POLDIP3: variants seen among roughly 807,000 people sequenced by gnomAD.
POLDIP3 encodes DNA polymerase delta interacting protein 3, also known as polymerase delta-interacting protein 3.
POLDIP3 carries 14 observed loss-of-function variants against 45.1 expected under a neutral mutation model. The ratio of observed to expected loss-of-function variants is 0.31; its 90% CI spans 0.20 to 0.49. The LOEUF (loss-of-function observed/expected upper bound fraction) is 0.49, where lower values mean the gene tolerates loss of function less well. POLDIP3 is among the 20% of genes least tolerant of loss of function. The pLI is 0.99. For missense variants in POLDIP3, 511 were observed against 538.8 expected, an observed-to-expected ratio of 0.95 and a Z score of 0.51; for synonymous variants, 223 against 205.2, an observed-to-expected ratio of 1.09 and a Z score of -0.74.
In POLDIP3 at chr22:42,583,906, A is replaced by C. The variant is rs868259387; in HGVS notation, c.*1885T>G. On this transcript the variant is annotated 3_prime_UTR_variant, in exon 9 of 9. Coordinates refer to ENST00000252115, the MANE Select transcript of POLDIP3 (RefSeq NM_032311.5). ...CCGGTCTCCCAAGATGACTGCTTAT[A>C]GAGTGGAGGAGGCAAACAGGTCCCC... 6.6e-6 allele frequency: 1 copy of C among 152,414 alleles called. No individual in the cohort carries two copies. Among genetic ancestry groups the C allele is most frequent in the Non-Finnish European group, 1.5e-5 (1 of 68,058 alleles). The allele number at this position is 152,414 out of a possible 1,614,324, so 9.4% of individuals were successfully genotyped here. A position where few individuals can be genotyped will look rare whatever the true frequency, so the allele number is the denominator to read the frequency against.
In POLDIP3 at chr22:42,585,132, T is replaced by C. The variant is rs137085; in HGVS notation, c.*659A>G. ...TGAACTCTGGAGAACTTCCTCTGGG[T>C]GGAGACGACACGGGACTCCAAGCCA... On this transcript the variant is annotated 3_prime_UTR_variant, in exon 9 of 9. Transcript: ENST00000252115. 171,280 of 439,542 alleles carry C rather than the reference T, an allele frequency of 0.39. 37,106 individuals are homozygous for C. Among genetic ancestry groups the C allele is most frequent in the East Asian group, 0.78 (11,173 of 14,416 alleles). The allele number at this position is 439,542 out of a possible 1,614,324, so 27.2% of individuals were successfully genotyped here. A position where few individuals can be genotyped will look rare whatever the true frequency, so the allele number is the denominator to read the frequency against.
chr22:42,601,314 A>C (rs1301897553), intron 3 of POLDIP3, among the ~76,000 whole-genome samples: 2 of 150,774 alleles, frequency 1.3e-5, no homozygotes, highest in African/African-American at 2.4e-5. Context: ...GGAGTTCGAG[A>C]CCTGCCTGGG....
At chr22:42,609,255 G>T (rs1408427197) in intron 1 of POLDIP3, among the ~76,000 whole-genome samples, 5 of 152,192 alleles carry the variant, frequency 3.3e-5, no homozygotes, top group Non-Finnish European at 5.9e-5. Context: ...GTAAATGTTT[G>T]GGAGGGCGAA....
At chr22:42,605,883 T>C (rs1191204310) in intron 1 of POLDIP3, among the ~76,000 whole-genome samples, 2 of 152,214 alleles carry the variant, frequency 1.3e-5, no homozygotes, top group Non-Finnish European at 2.9e-5. Context: ...GACTCACACC[T>C]GTAATCCCAG....
At chr22:42,591,085 AAAAAAATAAT>A (rs1463443718) in intron 7 of POLDIP3, among the ~76,000 whole-genome samples, 16 of 150,920 alleles carry the variant, frequency 1.1e-4, no homozygotes, top group Non-Finnish European at 1.9e-4. Context: ...ATAAAAAAAT[AAAAAAATAAT>A]AAAAAATAAA....
intron 1 of POLDIP3, among the ~76,000 whole-genome samples, chr22:42,612,402 C>G (rs1927179711): frequency 6.6e-6 from 1 of 152,224 alleles, no homozygotes; most frequent in African/African-American, 2.4e-5. Context: ...GGATTGGAAG[C>G]TTGGTGGTCT....
intron 7 of POLDIP3, among the ~76,000 whole-genome samples, chr22:42,591,006 G>A (rs562263911): frequency 2.8e-4 from 42 of 151,772 alleles, no homozygotes; most frequent in Non-Finnish European, 4.1e-4. Flanking sequence ...CCGGGGAGGC[G>A]GAGGTTGCAG....
intron 3 of POLDIP3, among the ~76,000 whole-genome samples, chr22:42,601,707 G>A (rs1926388034): frequency 1.3e-5 from 2 of 152,344 alleles, no homozygotes; most frequent in South Asian, 4.1e-4. Context: ...GTTGCAGTGA[G>A]CCGAGATTAC....
chr22:42,601,972 G>T lies in POLDIP3; in HGVS notation c.535C>A (p.Gln179Lys). The change falls in exon 3 of 9, where the codon CAG becomes AAG. Residue 179 changes from glutamine to lysine, a missense_variant and splice_region_variant. Coordinates refer to ENST00000252115, the MANE Select transcript of POLDIP3 (RefSeq NM_032311.5). ...TCTCTCTCACTCACTCACTCTACCT[G>T]TTTGGCCTGGTGGTTATTGACAACA... is the stretch of plus-strand genomic sequence containing the variant. ...INVVNNHQAK[Q>K]NLYDLDEDDD... The T allele has an allele frequency of 6.2e-7, 1 of 1,613,680 alleles. No individual in the cohort carries two copies. The highest frequency in any genetic ancestry group is 8.5e-7 in the Non-Finnish European group (1 of 1,179,882).
At chr22:42,586,207 C>A (rs757274266) in intron 8 of POLDIP3, among the ~76,000 whole-genome samples, 1 of 152,072 alleles carries the variant, frequency 6.6e-6, no homozygotes. Flanking sequence ...AGGCGTGTAC[C>A]ACCATGCCTG....
chr22:42,593,345 C>T (rs1925785084), intron 6 of POLDIP3, among the ~76,000 whole-genome samples: 1 of 152,062 alleles, frequency 6.6e-6, no homozygotes, highest in Non-Finnish European at 1.5e-5. Flanking sequence ...TTAACATTGC[C>T]TATTTGGGTA....
intron 4 of POLDIP3, chr22:42,597,836 A>C: frequency 2.3e-6 from 1 of 435,332 alleles, no homozygotes; most frequent in Middle Eastern, 3.6e-4. Flanking sequence ...GCTGGAGTGC[A>C]GTGGCGCAAT....
chr22:42,604,936 CA>C (rs1246282328), intron 1 of POLDIP3, among the ~76,000 whole-genome samples: 2 of 152,144 alleles, frequency 1.3e-5, no homozygotes, highest in Non-Finnish European at 2.9e-5. Flanking sequence ...AGAGACTTCA[CA>C]AATGGGATTA....
rs1291891145 is a variant in POLDIP3 at position 42,602,966 on chromosome 22, A to C, written c.254T>G (p.Phe85Cys). The C allele has an allele frequency of 1.9e-6, 3 of 1,613,904 alleles. No individual in the cohort carries two copies. The Admixed American group carries it at 5.0e-5, about 27-fold the overall frequency. ...ATCCTGCACTTTCCCTTTGATTCGA[A>C]ATCGGGCATCTTTCTGCAAAAGCTT... ...REKLLQKDAR[F>C]RIKGKVQDAR... is the part of the protein sequence containing the mutation. The change falls in exon 2 of 9, where the codon TTT becomes TGT. Residue 85 changes from phenylalanine to cysteine, a missense_variant. Phe to Cys is a radical substitution (Grantham distance 205). Transcript: ENST00000252115.
intron 6 of POLDIP3, among the ~76,000 whole-genome samples, chr22:42,594,447 G>A (rs1056527539): frequency 5.3e-5 from 8 of 151,860 alleles, no homozygotes; most frequent in African/African-American, 1.9e-4. Context: ...GGAGGCAGAG[G>A]TTGCAGTGAA....
chr22:42,603,453 A>T (rs1926529967), intron 1 of POLDIP3: 2 of 336,428 alleles, frequency 5.9e-6, no homozygotes, highest in Admixed American at 9.0e-5. Context: ...CAACATGGAC[A>T]ATAACTTCCC....
intron 8 of POLDIP3, 121 bp from the exon 9 acceptor site, chr22:42,586,089 C>T (rs1391147841): frequency 6.8e-6 from 6 of 876,318 alleles, no homozygotes; most frequent in African/African-American, 5.2e-5. Flanking sequence ...TTCCATACCC[C>T]TTCATCTCAT....
At chr22:42,607,974 G>C (rs1304792224) in intron 1 of POLDIP3, among the ~76,000 whole-genome samples, 1 of 150,890 alleles carries the variant, frequency 6.6e-6, no homozygotes, top group Non-Finnish European at 1.5e-5. Context: ...CCCTGTTCGG[G>C]AGGTGGGGGG....
chr22:42,599,042 G>C (rs1231596343), intron 4 of POLDIP3, among the ~76,000 whole-genome samples: 1 of 152,224 alleles, frequency 6.6e-6, no homozygotes, highest in Non-Finnish European at 1.5e-5. Flanking sequence ...CAGCGCCAGA[G>C]CTGCTGACCA....
Sources: allele counts gnomAD v4.1 joint callset (sites outside exome capture counted in the v4.1 genomes callset), GRCh38; gene constraint gnomAD v4.1.1; transcripts MANE v1.5; gene names NCBI Gene and HGNC (gene_info 2026-07-23, HGNC 2026-07-21).